Variants in FOXP1 observed in about 807,000 individuals in gnomAD.
FOXP1 encodes the protein forkhead box protein P1.
FOXP1 carries 15 observed loss-of-function variants against 98.2 expected under a neutral mutation model. The ratio of observed to expected loss-of-function variants is 0.15; its 90% CI spans 0.10 to 0.24. The LOEUF (loss-of-function observed/expected upper bound fraction) is 0.24. Ranked by LOEUF, FOXP1 falls within the 10% of genes least tolerant of loss-of-function variation. FOXP1 has a pLI of 1.00. For synonymous variants in FOXP1, 371 were observed against 314.5 expected, an observed-to-expected ratio of 1.18 and a Z score of -1.90; for missense variants, 633 against 848.5, an observed-to-expected ratio of 0.75 and a Z score of 3.15.
chr3:71,582,778 G>A (rs1302711787), intron 1 of FOXP1: 15 of 985,234 alleles, frequency 1.5e-5, no homozygotes, highest in Non-Finnish European at 1.4e-5. Context: ...GTGTCTGGCT[G>A]GGGGTGCGCA....
intron 12 of FOXP1, among the ~76,000 whole-genome samples, chr3:71,008,439 G>A (rs909811653): frequency 2.6e-5 from 4 of 152,112 alleles, no homozygotes; most frequent in African/African-American, 7.2e-5. Context: ...TGGATGATAC[G>A]GGACTTGTTT....
At chr3:71,305,237 A>C (rs995454588) in intron 4 of FOXP1, among the ~76,000 whole-genome samples, 1 of 152,158 alleles carries the variant, frequency 6.6e-6, no homozygotes, top group Admixed American at 6.5e-5. Flanking sequence ...CTCAAGATTA[A>C]AATTCCTAGA....
chr3:71,356,235 G>T (rs1379092627), intron 4 of FOXP1, among the ~76,000 whole-genome samples: 1 of 142,144 alleles, frequency 7.0e-6, no homozygotes, highest in Non-Finnish European at 1.5e-5. Flanking sequence ...AAAAAAAAAA[G>T]GAATAAAAAA....
chr3:71,388,537 C>T (rs942689739), intron 3 of FOXP1, among the ~76,000 whole-genome samples: 1 of 152,088 alleles, frequency 6.6e-6, no homozygotes, highest in African/African-American at 2.4e-5. Context: ...TGAAGATACA[C>T]ATTGTAACAC....
chr3:71,163,241 A>T (rs919048675), intron 6 of FOXP1, among the ~76,000 whole-genome samples: 1 of 152,220 alleles, frequency 6.6e-6, no homozygotes, highest in Non-Finnish European at 1.5e-5. Flanking sequence ...TGAGGTGCCA[A>T]TGATTTATAG....
rs1028318696 is a variant in FOXP1 at position 71,019,488 on chromosome 3, G to C, written c.870-3835C>G. Among the ~76,000 whole-genome samples, 3 of 152,114 alleles carry C rather than the reference G, an allele frequency of 2.0e-5. No homozygotes were observed. The South Asian group carries it at 6.2e-4, about 32-fold the overall frequency. Reference sequence around the variant, plus strand: ...AAACTCCCAGGTTGAATATTCCTAGGGGCAGGGATCACTTTTTCGGCTCCA... The same window carrying C: ...AAACTCCCAGGTTGAATATTCCTAGCGGCAGGGATCACTTTTTCGGCTCCA... On this transcript the variant is annotated intron_variant, in intron 11 of 20. Coordinates refer to ENST00000649528, the MANE Select transcript of FOXP1 (RefSeq NM_001349338.3).
intron 5 of FOXP1, among the ~76,000 whole-genome samples, chr3:71,270,303 A>G (rs113815800): frequency 0.038 from 5,758 of 152,310 alleles, 148 homozygotes; most frequent in South Asian, 0.062. Flanking sequence ...TGCTATTAGC[A>G]TTTCAGGGTG....
Position 71,521,020 on chromosome 3 carries a change from GC to G in FOXP1, c.-297-27466del, listed in dbSNP as rs935621513. ...ATCACACAGTGTGCATCTACCAGGT[GC>G]CAAGACCATGGACATAATGGGGAAA... On this transcript the variant is annotated intron_variant, in intron 2 of 20. Transcript: ENST00000649528. Among the ~76,000 whole-genome samples, 20 of 152,280 alleles carry G rather than the reference GC, an allele frequency of 1.3e-4. 1 individual carries two copies. The highest frequency in any genetic ancestry group is 1.1e-3 in the Admixed American group (17 of 15,298).
intron 3 of FOXP1, among the ~76,000 whole-genome samples, chr3:71,458,895 AC>A (rs764608508): frequency 1.3e-5 from 2 of 152,200 alleles, no homozygotes; most frequent in Non-Finnish European, 2.9e-5. Context: ...GTCACAAAGA[AC>A]CTTGTCCATT....
intron 7 of FOXP1, among the ~76,000 whole-genome samples, chr3:71,077,910 G>A (rs748359045): frequency 8.0e-5 from 12 of 150,836 alleles, no homozygotes; most frequent in East Asian, 1.9e-4. Context: ...TCGGCTCACC[G>A]CAACCTCCAC....
chr3:71,268,656 C>T (rs1382562011), intron 5 of FOXP1, among the ~76,000 whole-genome samples: 4 of 152,162 alleles, frequency 2.6e-5, no homozygotes, highest in Non-Finnish European at 5.9e-5. Flanking sequence ...TGTAATCTTA[C>T]AGACTTCTGT....
At chr3:71,187,125 C>T (rs1052408888) in intron 6 of FOXP1, among the ~76,000 whole-genome samples, 11 of 152,230 alleles carry the variant, frequency 7.2e-5, no homozygotes, top group Non-Finnish European at 1.6e-4. Flanking sequence ...CTAGCCCCTA[C>T]TCAAAGAAGG....
chr3:70,982,844 A>AT (rs1160932940), intron 14 of FOXP1, among the ~76,000 whole-genome samples: 2 of 152,180 alleles, frequency 1.3e-5, no homozygotes, highest in Non-Finnish European at 2.9e-5. Flanking sequence ...ATAAGAACTC[A>AT]TTTTTATTTT....
chr3:71,524,810 A>G (rs537835124), intron 2 of FOXP1, among the ~76,000 whole-genome samples: 8 of 152,176 alleles, frequency 5.3e-5, no homozygotes, highest in Non-Finnish European at 1.2e-4. Context: ...TATCTACTTG[A>G]CCCCACAGAA....
chr3:71,518,240 C>T (rs561480679), intron 2 of FOXP1, among the ~76,000 whole-genome samples: 27 of 152,174 alleles, frequency 1.8e-4, no homozygotes, highest in Admixed American at 2.0e-4. Flanking sequence ...ATGATCTCAT[C>T]AGATCACCAG....
chr3:71,411,019 T>C (rs2082686824), intron 3 of FOXP1, among the ~76,000 whole-genome samples: 2 of 152,316 alleles, frequency 1.3e-5, no homozygotes, highest in South Asian at 4.1e-4. Context: ...GGGCTTTCTT[T>C]AGGAACTCCA....
chr3:71,057,934 C>T (rs1245330359), intron 7 of FOXP1, among the ~76,000 whole-genome samples: 1 of 152,200 alleles, frequency 6.6e-6, no homozygotes, highest in Non-Finnish European at 1.5e-5. Context: ...AAAGCCCATA[C>T]ACACTGCTGT....
rs185636945 is a variant in FOXP1, at chr3:71,010,814, C to T, written c.974+4735G>A. On this transcript the variant is annotated intron_variant, in intron 12 of 20. Transcript: ENST00000649528. Reference sequence around the variant, plus strand: ...AGCAAAGTACTTGATGCATCACTCTCTGATGACAATAACCCCCCCTCCCCC... The same window carrying T: ...AGCAAAGTACTTGATGCATCACTCTTTGATGACAATAACCCCCCCTCCCCC... 4.6e-5 allele frequency among the ~76,000 whole-genome samples: 7 copies of T among 152,054 alleles called. No homozygotes were observed. In the East Asian group the frequency reaches 1.4e-3, roughly 30 times the overall value.
In FOXP1 at chr3:71,396,690, G is replaced by A. The variant is rs1217302300; in HGVS notation, c.-167-37446C>T. On this transcript the variant is annotated intron_variant, in intron 3 of 20. Transcript: ENST00000649528. ...GCATAATGAACACTTGGGACCCCTT[G>A]TTCAAAATTTTAAAAAATGTTTAAG... Among the ~76,000 whole-genome samples, 8 of 144,880 alleles carry A rather than the reference G, an allele frequency of 5.5e-5. No homozygotes were observed. The East Asian group carries it at 1.5e-3, about 28-fold the overall frequency.
Sources: allele counts gnomAD v4.1 joint callset (sites outside exome capture counted in the v4.1 genomes callset), GRCh38; gene constraint gnomAD v4.1.1; transcripts MANE v1.5; gene names NCBI Gene and HGNC (gene_info 2026-07-23, HGNC 2026-07-21).